MACROD2: variants seen among roughly 807,000 people sequenced by gnomAD.
MACROD2 encodes the protein mono-ADP ribosylhydrolase 2.
MACROD2 carries 36 observed loss-of-function variants against 70.4 expected under a neutral mutation model. The ratio of observed to expected loss-of-function variants is 0.51; its 90% CI spans 0.39 to 0.68. MACROD2 has a LOEUF of 0.68. Ranked by LOEUF, MACROD2 falls within the 30% of genes least tolerant of loss-of-function variation. The probability of loss-of-function intolerance (pLI) is 0.00; values close to 1 mark genes in which losing one functional copy is unlikely to be tolerated. For missense variants in MACROD2, 496 were observed against 538.4 expected, an observed-to-expected ratio of 0.92 and a Z score of 0.78; for synonymous variants, 172 against 178.8, an observed-to-expected ratio of 0.96 and a Z score of 0.30.
intron 6 of MACROD2, among the ~76,000 whole-genome samples, chr20:15,380,425 G>GC (rs2045627639): frequency 6.8e-6 from 1 of 147,676 alleles, no homozygotes. Context: ...CTTAGGGAAA[G>GC]TTTTTTTTTT....
intron 8 of MACROD2, among the ~76,000 whole-genome samples, chr20:15,715,357 C>A (rs11696436): frequency 6.6e-6 from 1 of 152,082 alleles, no homozygotes; most frequent in Non-Finnish European, 1.5e-5. Flanking sequence ...TCTTTTGCAA[C>A]CCTGATCTTA....
At chr20:15,049,701 A>G (rs1056630157) in intron 5 of MACROD2, among the ~76,000 whole-genome samples, 7 of 152,152 alleles carry the variant, frequency 4.6e-5, no homozygotes, top group African/African-American at 1.4e-4. Context: ...TAATCCCAGC[A>G]CTTTGGGAGG....
chr20:16,035,283 T>C (rs1395888284), intron 15 of MACROD2, among the ~76,000 whole-genome samples: 1 of 150,360 alleles, frequency 6.7e-6, no homozygotes, highest in African/African-American at 2.4e-5. Context: ...TTCCACGATT[T>C]TGCAGTTGTG....
chr20:14,420,543 C>T (rs2083863622), intron 3 of MACROD2, among the ~76,000 whole-genome samples: 1 of 152,092 alleles, frequency 6.6e-6, no homozygotes, highest in Admixed American at 6.5e-5. Flanking sequence ...TATTCAAATC[C>T]TTTCCCCATT....
chr20:14,886,608 G>A (rs2073679088), intron 5 of MACROD2, among the ~76,000 whole-genome samples: 1 of 152,106 alleles, frequency 6.6e-6, no homozygotes, highest in Non-Finnish European at 1.5e-5. Context: ...TCATTTCTGG[G>A]AGGAGAGGAC....
chr20:14,694,216 G>C (rs1166273604), intron 5 of MACROD2, among the ~76,000 whole-genome samples: 1 of 152,136 alleles, frequency 6.6e-6, no homozygotes, highest in Non-Finnish European at 1.5e-5. Flanking sequence ...TTCTATTTCA[G>C]TTCTTACATA....
chr20:15,296,538 T>C (rs2077590638), intron 6 of MACROD2, among the ~76,000 whole-genome samples: 1 of 151,830 alleles, frequency 6.6e-6, no homozygotes, highest in Non-Finnish European at 1.5e-5. Flanking sequence ...GAGAGGGAAG[T>C]GAGTAGAGGC....
At chr20:15,394,911 C>T (rs2047407212) in intron 6 of MACROD2, among the ~76,000 whole-genome samples, 1 of 152,150 alleles carries the variant, frequency 6.6e-6, no homozygotes, top group Non-Finnish European at 1.5e-5. Context: ...AGGTGCTAGT[C>T]CCAAGTCTCT....
intron 12 of MACROD2, 52 bp from the exon 13 acceptor site, chr20:15,967,501 T>C: frequency 7.0e-7 from 1 of 1,422,512 alleles, no homozygotes; most frequent in Admixed American, 1.9e-5. Flanking sequence ...TGAAAGCTGC[T>C]CTGTTTCCAA....
intron 12 of MACROD2, among the ~76,000 whole-genome samples, chr20:15,938,632 A>G (rs1461701447): frequency 1.3e-5 from 2 of 152,072 alleles, no homozygotes; most frequent in Non-Finnish European, 2.9e-5. Flanking sequence ...AAAACACAAC[A>G]ATATTGAAAT....
intron 8 of MACROD2, among the ~76,000 whole-genome samples, chr20:15,714,541 G>T (rs1022303087): frequency 6.6e-6 from 1 of 152,090 alleles, no homozygotes; most frequent in African/African-American, 2.4e-5. Context: ...AGAGAAGCTG[G>T]GTAGTTGCTT....
chr20:15,953,028 A>G (rs2065927689), intron 12 of MACROD2, among the ~76,000 whole-genome samples: 2 of 152,150 alleles, frequency 1.3e-5, no homozygotes, highest in South Asian at 4.1e-4. Context: ...AATATTATTT[A>G]GCCATAAAAA....
intron 8 of MACROD2, among the ~76,000 whole-genome samples, chr20:15,769,612 G>A (rs6131701): frequency 0.19 from 29,176 of 152,100 alleles, 2,783 homozygotes; most frequent in African/African-American, 0.2. Context: ...ACATTATGAT[G>A]GCTATGACAT....
chr20:14,168,183 T>C (rs1256558202), intron 3 of MACROD2, among the ~76,000 whole-genome samples: 1 of 152,224 alleles, frequency 6.6e-6, no homozygotes, highest in African/African-American at 2.4e-5. Context: ...GTTATACTTG[T>C]AAAATTATGA....
chr20:14,541,527 G>T (rs181152604), intron 4 of MACROD2, among the ~76,000 whole-genome samples: 1 of 152,096 alleles, frequency 6.6e-6, no homozygotes, highest in African/African-American at 2.4e-5. Flanking sequence ...ATAAAACTGG[G>T]TTTTTTCTTT....
intron 6 of MACROD2, among the ~76,000 whole-genome samples, chr20:15,419,818 A>AT (rs1379925353): frequency 6.6e-6 from 1 of 152,170 alleles, no homozygotes; most frequent in Non-Finnish European, 1.5e-5. Flanking sequence ...GAAGATGGAG[A>AT]GGGGATACTT....
chr20:14,565,630 T>C (rs1250973639), intron 4 of MACROD2, among the ~76,000 whole-genome samples: 1 of 151,956 alleles, frequency 6.6e-6, no homozygotes, highest in Non-Finnish European at 1.5e-5. Flanking sequence ...TTGTCAACAA[T>C]AATATTTTTA....
chr20:14,922,662 C>A (rs1471992614), intron 5 of MACROD2, among the ~76,000 whole-genome samples: 2 of 152,024 alleles, frequency 1.3e-5, no homozygotes, highest in Non-Finnish European at 2.9e-5. Flanking sequence ...CAAGGAAAGG[C>A]GAATGTTGAT....
At chr20:15,687,776 G>C (rs1024917055) in intron 8 of MACROD2, among the ~76,000 whole-genome samples, 4 of 152,066 alleles carry the variant, frequency 2.6e-5, no homozygotes, top group African/African-American at 9.7e-5. Context: ...ACATTTGCTA[G>C]GTGGTGGCAG....
Sources: gnomAD v4.1 joint callset for allele counts (sites outside exome capture counted in the v4.1 genomes callset) on GRCh38, gnomAD v4.1.1 for gene constraint, MANE v1.5 for transcripts, NCBI Gene and HGNC (gene_info 2026-07-23, HGNC 2026-07-21) for gene names.